CDC73: variants seen among roughly 807,000 people sequenced by gnomAD.
The protein encoded by CDC73 is cell division cycle 73.
CDC73 carries 21 observed loss-of-function variants against 83.7 expected under a neutral mutation model. The ratio of observed to expected loss-of-function variants is 0.25; its 90% CI spans 0.18 to 0.36. CDC73 has a LOEUF of 0.36. Among genes scored for constraint, CDC73 ranks in the 10% least tolerant of loss-of-function variants. CDC73 has a pLI of 1.00. For missense variants in CDC73, 342 were observed against 653.3 expected (o/e 0.52, Z 5.19); for synonymous variants, 224 against 212.9 (o/e 1.05, Z -0.45).
At chr1:193,216,147 A>G (rs1479847626) in intron 13 of CDC73, among the ~76,000 whole-genome samples, 1 of 152,234 alleles carries the variant, frequency 6.6e-6, no homozygotes, top group Non-Finnish European at 1.5e-5. Flanking sequence ...CAAAAGATCA[A>G]TAAAACCAAA....
At chr1:193,157,113 T>C (rs943204300) in intron 10 of CDC73, among the ~76,000 whole-genome samples, 2 of 152,154 alleles carry the variant, frequency 1.3e-5, no homozygotes, top group African/African-American at 4.8e-5. Flanking sequence ...TTGGTGATGA[T>C]GACAGGAAAA....
At chr1:193,166,468 A>G (rs6689102) in intron 10 of CDC73, among the ~76,000 whole-genome samples, 29,387 of 151,908 alleles carry the variant, frequency 0.19, 2,952 homozygotes, top group Middle Eastern at 0.25. Flanking sequence ...ATTGCCTTAC[A>G]TTTTTTAGTC....
intron 7 of CDC73, among the ~76,000 whole-genome samples, chr1:193,145,248 A>G (rs140794084): frequency 3.3e-5 from 5 of 152,204 alleles, no homozygotes; most frequent in Admixed American, 6.5e-5. Context: ...TGTGGTTTCC[A>G]TGTTGCATTA....
At chr1:193,217,846 C>T (rs541674998) in intron 13 of CDC73, among the ~76,000 whole-genome samples, 1 of 152,262 alleles carries the variant, frequency 6.6e-6, no homozygotes, top group South Asian at 2.1e-4. Context: ...CATTCCATAT[C>T]ATTTAAAGGG....
chr1:193,220,260 G>A (rs538166308), intron 13 of CDC73, among the ~76,000 whole-genome samples: 69 of 142,548 alleles, frequency 4.8e-4, no homozygotes, highest in African/African-American at 1.5e-3. Context: ...TCCACCTCCC[G>A]GGTTCAAGCG....
intron 10 of CDC73, among the ~76,000 whole-genome samples, chr1:193,163,687 T>C (rs377113801): frequency 1.3e-4 from 20 of 152,202 alleles, no homozygotes; most frequent in African/African-American, 4.6e-4. Context: ...ATTTGTATTA[T>C]TTCTAACTTT....
At chr1:193,203,876 T>C (rs776979779) in intron 11 of CDC73, 24 bp downstream of exon 11, 1 of 1,607,038 alleles carries the variant, frequency 6.2e-7, no homozygotes, top group Non-Finnish European at 8.5e-7. Flanking sequence ...ACTTTGCTTT[T>C]TGTTTTCTTT....
intron 14 of CDC73, among the ~76,000 whole-genome samples, chr1:193,235,827 TTTAG>T (rs1677748504): frequency 6.6e-6 from 1 of 152,200 alleles, no homozygotes; most frequent in African/African-American, 2.4e-5. Flanking sequence ...ATGTAATATT[TTTAG>T]TTAAAGTAAA....
chr1:193,166,909 A>T (rs1676444490), intron 10 of CDC73, among the ~76,000 whole-genome samples: 1 of 152,164 alleles, frequency 6.6e-6, no homozygotes, highest in South Asian at 2.1e-4. Flanking sequence ...AATGTGCAAT[A>T]CTGATTTGAT....
At chr1:193,227,529 AAC>A (rs756821227) in intron 13 of CDC73, among the ~76,000 whole-genome samples, 2 of 152,172 alleles carry the variant, frequency 1.3e-5, no homozygotes, top group Non-Finnish European at 2.9e-5. Context: ...TTAGGGAGAT[AAC>A]AGACTTTGTA....
Position 193,141,795 on chromosome 1 carries a change from A to G in CDC73, c.513-55A>G, listed in dbSNP as rs547702513. On this transcript the variant is annotated intron_variant, in intron 6 of 16. Coordinates refer to ENST00000367435, the MANE Select transcript of CDC73 (RefSeq NM_024529.5). The stretch of plus-strand genomic sequence containing the variant: ...TTTATAAATGTAACAAAATATATTT[A>G]TGATACACTCCAGGAATGCCTGCTG... 3.6e-6 allele frequency: 4 copies of G among 1,096,608 alleles called. No individual in the cohort carries two copies. The East Asian group carries it at 1.0e-4, about 28-fold the overall frequency. The allele number at this position is 1,096,608 out of a possible 1,614,324, so 67.9% of individuals were successfully genotyped here.
intron 10 of CDC73, chr1:193,180,038 T>C (rs1676684110): frequency 3.5e-6 from 1 of 285,696 alleles, no homozygotes; most frequent in South Asian, 1.4e-4. Flanking sequence ...CATTGATTTA[T>C]GCATGCTTGT....
intron 13 of CDC73, among the ~76,000 whole-genome samples, chr1:193,225,226 T>C (rs1360475801): frequency 1.4e-5 from 2 of 145,766 alleles, no homozygotes; most frequent in South Asian, 4.5e-4. Context: ...TTCCCTTTTA[T>C]GGCTGAGTAG....
At chr1:193,152,330 A>T (rs776786169) in intron 9 of CDC73, 50 bp from the exon 10 acceptor site, 1 of 1,150,092 alleles carries the variant, frequency 8.7e-7, no homozygotes, top group African/African-American at 1.5e-5. Flanking sequence ...TATAGGTCAT[A>T]AGATACATGA....
chr1:193,163,876 T>A (rs1277207564), intron 10 of CDC73, among the ~76,000 whole-genome samples: 1 of 152,074 alleles, frequency 6.6e-6, no homozygotes, highest in Non-Finnish European at 1.5e-5. Flanking sequence ...CTTCCCAGGT[T>A]CAAGCTGTTC....
intron 13 of CDC73, among the ~76,000 whole-genome samples, chr1:193,228,567 A>G (rs1275673175): frequency 6.6e-6 from 1 of 152,196 alleles, no homozygotes; most frequent in Admixed American, 6.5e-5. Flanking sequence ...AATTCAATTA[A>G]GAAACAAATG....
chr1:193,122,893 CTGTGTT>C (rs1675486753), intron 1 of CDC73, among the ~76,000 whole-genome samples: 4 of 152,082 alleles, frequency 2.6e-5, no homozygotes, highest in Admixed American at 2.6e-4. Context: ...TCATAAAAGT[CTGTGTT>C]AGAGAGGTCT....
rs564156018 is a variant in CDC73 at position 193,192,050 on chromosome 1, A to AT, written c.973-11743dup. Among the ~76,000 whole-genome samples, 41 of 152,348 alleles carry AT rather than the reference A, an allele frequency of 2.7e-4. 1 individual carries two copies. The East Asian group carries it at 6.4e-3, about 24-fold the overall frequency. ...TATATGTAAAATATCGAAACTTAAAATTCTACTAAAACTTTGCAAAGAGGC... is the reference window on the plus strand; with the variant it reads ...TATATGTAAAATATCGAAACTTAAAATTTCTACTAAAACTTTGCAAAGAGGC... On this transcript the variant is annotated intron_variant, in intron 10 of 16. Transcript: ENST00000367435.
intron 10 of CDC73, among the ~76,000 whole-genome samples, chr1:193,200,032 G>T (rs1224077412): frequency 4.0e-5 from 6 of 149,280 alleles, no homozygotes; most frequent in African/African-American, 1.2e-4. Context: ...TTTGATACCA[G>T]CCTGGGCAAC....
Sources: gnomAD v4.1 joint callset for allele counts (sites outside exome capture counted in the v4.1 genomes callset) on GRCh38, gnomAD v4.1.1 for gene constraint, MANE v1.5 for transcripts, NCBI Gene and HGNC (gene_info 2026-07-23, HGNC 2026-07-21) for gene names.